WNK2: variants seen among roughly 807,000 people sequenced by gnomAD.
WNK2 encodes serine/threonine-protein kinase WNK2.
WNK2 carries 67 observed loss-of-function variants against 192.1 expected under a neutral mutation model. That is an observed-to-expected ratio of 0.35 (90% CI 0.29 to 0.43). The LOEUF (loss-of-function observed/expected upper bound fraction) is 0.43, where lower values mean the gene tolerates loss of function less well. WNK2 is among the 20% of genes least tolerant of loss of function. WNK2 has a pLI of 1.00. For missense variants in WNK2, 2,698 were observed against 3,089.7 expected (o/e 0.87, Z 3.01); for synonymous variants, 1,439 against 1,393.9 (o/e 1.03, Z -0.72).
In WNK2 at chr9:93,293,066, G is replaced by A. The variant is rs775397503; in HGVS notation, c.5601G>A (p.Thr1867=). 5.6e-6 allele frequency: 9 copies of A among 1,610,676 alleles called. No individual in the cohort carries two copies. The highest frequency in any genetic ancestry group is 2.7e-5 in the African/African-American group (2 of 74,812). The change falls in exon 23 of 30, where the codon ACG becomes ACA. Residue 1867 remains threonine (T), a synonymous_variant. Transcript: ENST00000427277. ...GCAGGGTGGGCATGAAGGTCCCCAC[G>A]ATCAGCGTGACCTCCTTCCATTCCC... is the stretch of plus-strand genomic sequence containing the variant. The part of the protein sequence containing the change: ...TPSRVGMKVP[T]ISVTSFHSQS...
intron 19 of WNK2, among the ~76,000 whole-genome samples, chr9:93,278,391 G>A (rs950280057): frequency 6.6e-6 from 1 of 152,214 alleles, no homozygotes; most frequent in African/African-American, 2.4e-5. Flanking sequence ...GGATCAGAGG[G>A]AGTGGACCCG....
chr9:93,263,248 T>C, intron 14 of WNK2: 1 of 466,238 alleles, frequency 2.1e-6, no homozygotes, highest in Non-Finnish European at 3.9e-6. Flanking sequence ...GGTGGGTGTG[T>C]TTCTGTTGCT....
chr9:93,202,338 G>A (rs907430138), intron 2 of WNK2, among the ~76,000 whole-genome samples: 5 of 140,526 alleles, frequency 3.6e-5, no homozygotes, highest in African/African-American at 1.2e-4. Context: ...GTGTGTGTGT[G>A]TGTGTGTGTG....
chr9:93,229,612 G>A lies in WNK2; in HGVS notation c.682-84G>A. ...GGGTATGGGAAGGGCTGGTCCTACT[G>A]TGTGGCGCTGCTGGGATGTGACGCC... On this transcript the variant is annotated intron_variant, in intron 2 of 29. Transcript: ENST00000427277. This position sits in a 1 kb window ranked among gnomAD's most constrained non-coding sequence, Gnocchi z 4.9. 1 of 1,473,602 alleles carries A rather than the reference G, an allele frequency of 6.8e-7. No individual in the cohort carries two copies. Among genetic ancestry groups the A allele is most frequent in the Non-Finnish European group, 9.2e-7 (1 of 1,092,740 alleles). The allele number at this position is 1,473,602 out of a possible 1,614,324, so 91.3% of individuals were successfully genotyped here. A position where few individuals can be genotyped will look rare whatever the true frequency, so the allele number is the denominator to read the frequency against.
chr9:93,262,985 C>T (rs556699386), intron 14 of WNK2, among the ~76,000 whole-genome samples: 5 of 152,252 alleles, frequency 3.3e-5, no homozygotes, highest in South Asian at 2.1e-4. Context: ...TGTTCCAGAA[C>T]GGAGAGGCTA....
Position 93,192,686 on chromosome 9 carries a change from T to C in WNK2, c.681+7076T>C, listed in dbSNP as rs544478519. 5.5e-3 allele frequency among the ~76,000 whole-genome samples: 841 copies of C among 152,204 alleles called. 4 individuals are homozygous for C. The highest frequency in any genetic ancestry group is 8.3e-3 in the Non-Finnish European group (564 of 68,006). On this transcript the variant is annotated intron_variant, in intron 2 of 29. Coordinates refer to ENST00000427277, the MANE Select transcript of WNK2 (RefSeq NM_006648.4). ...CTGTTTCAAAACATGATTCATACAA[T>C]GGGCAGCAGATTCCGAGTTTTAGGT...
At position 93,239,691 on chromosome 9, in the gene WNK2, A is replaced by G; in HGVS notation, c.1323-66A>G. On this transcript the variant is annotated intron_variant, in intron 6 of 29. Coordinates refer to ENST00000427277, the MANE Select transcript of WNK2 (RefSeq NM_006648.4). This position sits in a 1 kb window ranked among gnomAD's most constrained non-coding sequence, Gnocchi z 4.2. ...CCTGTCCTTGTCCTGGTGCGCATGG[A>G]CACAGGAGCCTGGGCATGGAGGCCC... 1 of 1,433,942 alleles carries G rather than the reference A, an allele frequency of 7.0e-7. No homozygotes were observed. The highest frequency in any genetic ancestry group is 1.3e-5 in the South Asian group (1 of 77,540). 88.8% of individuals were successfully genotyped at this position (1,433,942 alleles called of 1,614,324 possible).
intron 7 of WNK2, among the ~76,000 whole-genome samples, chr9:93,241,710 G>A (rs909688401): frequency 2.0e-5 from 3 of 152,152 alleles, no homozygotes; most frequent in Admixed American, 2.0e-4. Flanking sequence ...GGGTGCCAGT[G>A]AGCTGCGTGT....
chr9:93,262,511 C>T (rs1844445093), intron 13 of WNK2, among the ~76,000 whole-genome samples, 159 bp from the exon 14 acceptor site: 5 of 152,212 alleles, frequency 3.3e-5, no homozygotes, highest in Admixed American at 3.3e-4. Context: ...GTGACGCCCC[C>T]TGGGTCGTAC....
chr9:93,318,056 A>G (rs371188131), intron 29 of WNK2: 84 of 1,611,264 alleles, frequency 5.2e-5, no homozygotes, highest in Middle Eastern at 1.6e-4. Flanking sequence ...CCGTCTCCAC[A>G]CCCACTTCCT....
intron 2 of WNK2, among the ~76,000 whole-genome samples, chr9:93,220,495 G>A (rs1334136627): frequency 6.6e-6 from 1 of 152,162 alleles, no homozygotes; most frequent in Admixed American, 6.5e-5. Flanking sequence ...GGGGGATGGG[G>A]CCCAGTGAGG....
intron 4 of WNK2, among the ~76,000 whole-genome samples, chr9:93,232,691 G>A (rs1564046195): frequency 1.3e-5 from 2 of 152,192 alleles, no homozygotes; most frequent in Admixed American, 6.5e-5. Context: ...ACGAAGTTTC[G>A]AGTTGCTGGA....
At chr9:93,197,496 G>A (rs1227647364) in intron 2 of WNK2, among the ~76,000 whole-genome samples, 1 of 152,172 alleles carries the variant, frequency 6.6e-6, no homozygotes. Context: ...AGGGCCAGTG[G>A]TCTTGCATGG....
chr9:93,261,995 T>C lies in WNK2; in HGVS notation c.3248T>C (p.Val1083Ala), dbSNP rs1483521040. The C allele has an allele frequency of 6.2e-7, 1 of 1,611,908 alleles. No homozygotes were observed. The highest frequency in any genetic ancestry group is 8.5e-7 in the Non-Finnish European group (1 of 1,179,546). ...ACGGTGTCTGCCTCTGTGCAGAGTGTGCCCACCCAGACTGCCACACTTCTG... is the reference window on the plus strand; with the variant it reads ...ACGGTGTCTGCCTCTGTGCAGAGTGCGCCCACCCAGACTGCCACACTTCTG... ...LATVSASVQSVPTQTATLLPP... is the reference protein window; with the variant it reads ...LATVSASVQSAPTQTATLLPP... The change falls in exon 13 of 30, where the codon GTG becomes GCG. Residue 1083 changes from valine to alanine, a missense_variant. By Grantham distance (64) the Val-to-Ala change is moderately conservative. Transcript: ENST00000427277.
Position 93,274,514 on chromosome 9 carries a change from C to T in WNK2, c.4033+5768C>T, listed in dbSNP as rs1232318640. Among the ~76,000 whole-genome samples the T allele has an allele frequency of 4.3e-4, 15 of 35,032 alleles. No homozygotes were observed. In the South Asian group the frequency reaches 0.019, roughly 44 times the overall value. 23.0% of individuals were successfully genotyped at this position (35,032 alleles called of 152,430 possible). A position where few individuals can be genotyped will look rare whatever the true frequency, so the allele number is the denominator to read the frequency against. ...GCAACAGTGCAAGGCTCCGTCTCAACCAAAAAAAAAAAAAAAAAAAAAAAG... is the reference window on the plus strand; with the variant it reads ...GCAACAGTGCAAGGCTCCGTCTCAATCAAAAAAAAAAAAAAAAAAAAAAAG... On this transcript the variant is annotated intron_variant, in intron 19 of 29. Coordinates refer to ENST00000427277, the MANE Select transcript of WNK2 (RefSeq NM_006648.4).
In WNK2 at chr9:93,259,473, C is replaced by G. The variant is rs1247315284; in HGVS notation, c.2925C>G (p.Pro975=). The G allele has an allele frequency of 2.7e-6, 4 of 1,490,760 alleles. No individual in the cohort carries two copies. Among genetic ancestry groups the G allele is most frequent in the Non-Finnish European group, 3.6e-6 (4 of 1,125,288 alleles). 92.3% of individuals were successfully genotyped at this position (1,490,760 alleles called of 1,614,324 possible). Residue 975 remains proline, a synonymous_variant, in exon 12 of 30, where the codon CCC becomes CCG. Coordinates refer to ENST00000427277, the MANE Select transcript of WNK2 (RefSeq NM_006648.4). The surrounding 1 kb of genome is among the most constrained non-coding windows in gnomAD (Gnocchi z 4.8). The part of the protein sequence containing the change: ...QPVLPPQPTR[P]PQPVLPPQPM... ...TGTTGCCCCCGCAACCCACACGGCC[C>G]CCTCAACCTGTGCTGCCCCCGCAAC... is the stretch of plus-strand genomic sequence containing the variant.
At chr9:93,205,055 C>T (rs1483992253) in intron 2 of WNK2, among the ~76,000 whole-genome samples, 1 of 152,168 alleles carries the variant, frequency 6.6e-6, no homozygotes, top group Non-Finnish European at 1.5e-5. Flanking sequence ...ATATGTTGAA[C>T]ATATTGGGCT....
chr9:93,198,528 G>T (rs11790795), intron 2 of WNK2, among the ~76,000 whole-genome samples: 22,757 of 152,096 alleles, frequency 0.15, 1,760 homozygotes, highest in South Asian at 0.22. Flanking sequence ...TGAGTTGGGG[G>T]AGTGTGCCCG....
rs1157621858 is a variant in WNK2 at position 93,262,685 on chromosome 9, G to A, written c.3376G>A (p.Asp1126Asn). The A allele has an allele frequency of 1.2e-6, 2 of 1,612,600 alleles. No individual in the cohort carries two copies. Among genetic ancestry groups the A allele is most frequent in the Non-Finnish European group, 8.5e-7 (1 of 1,179,894 alleles). Residue 1126 changes from aspartate to asparagine, a missense_variant, in exon 14 of 30, where the codon GAC becomes AAC. Transcript: ENST00000427277. ...EPVQEEQASQ[D>N]KPPGLPQSCE... ...TTTATTTCAGGAGCAGGCCTCACAG[G>A]ACAAGCCGCCCGGCCTCCCGCAGAG...
Sources: gnomAD v4.1 joint callset for allele counts (sites outside exome capture counted in the v4.1 genomes callset) on GRCh38, gnomAD v4.1.1 for gene constraint, Gnocchi (gnomAD v3.1) non-coding constraint, MANE v1.5 for transcripts, NCBI Gene and HGNC (gene_info 2026-07-23, HGNC 2026-07-21) for gene names.